Variants in SHISA9 observed in about 807,000 individuals in gnomAD.
The protein encoded by SHISA9 is protein shisa-9.
In SHISA9, 13 loss-of-function variants were observed where a neutral mutation model predicts 38.0. The observed-to-expected ratio is 0.34, with a 90% confidence interval of 0.22 to 0.54. SHISA9 has a LOEUF of 0.54. Among genes scored for constraint, SHISA9 ranks in the 20% least tolerant of loss-of-function variants. The pLI is 0.91. For missense variants in SHISA9, 538 were observed against 575.8 expected, an observed-to-expected ratio of 0.93 and a Z score of 0.67; for synonymous variants, 275 against 242.0, an observed-to-expected ratio of 1.14 and a Z score of -1.27.
Position 13,236,140 on chromosome 16 carries a change from AAAAAC to A in SHISA9, c.*736_*740del, listed in dbSNP as rs1191416268. ...CGACAATGATGGGAAGGAAAAAACA[AAAAAC>A]AAAAAACATTTTAGAGAACTCCCAT... On this transcript the variant is annotated 3_prime_UTR_variant, in exon 5 of 5. Transcript: ENST00000558583. 3.9e-5 allele frequency: 6 copies of A among 152,240 alleles called. No individual in the cohort carries two copies. The highest frequency in any genetic ancestry group is 7.3e-5 in the Non-Finnish European group (5 of 68,078). The allele number at this position is 152,240 out of a possible 1,614,324, so 9.4% of individuals were successfully genotyped here.
chr16:13,348,262 A>G, the SHISA9 span, among the ~76,000 whole-genome samples: 1 of 152,102 alleles, frequency 6.6e-6, no homozygotes, highest in Non-Finnish European at 1.5e-5. Context: ...CGGCATCTCT[A>G]ATCCAAAAAT....
At chr16:13,437,865 T>C in the SHISA9 span, among the ~76,000 whole-genome samples, 1 of 2,614 alleles carries the variant, frequency 3.8e-4, no homozygotes, top group African/African-American at 2.3e-3. Context: ...TTTTTTTTTC[T>C]TTTTTTTTTT....
intron 4 of SHISA9, among the ~76,000 whole-genome samples, chr16:13,225,459 A>T (rs2051269835): frequency 6.6e-6 from 1 of 152,206 alleles, no homozygotes; most frequent in Non-Finnish European, 1.5e-5. Context: ...GACCACTGCA[A>T]AGAATTTGGA....
At chr16:13,113,257 AG>A (rs1301021230) in intron 2 of SHISA9, among the ~76,000 whole-genome samples, 7 of 150,520 alleles carry the variant, frequency 4.7e-5, no homozygotes, top group Admixed American at 1.3e-4. Context: ...CCTGGTTTTC[AG>A]GCCTAGACTG....
At chr16:13,400,088 A>C in the SHISA9 span, among the ~76,000 whole-genome samples, 8 of 152,196 alleles carry the variant, frequency 5.3e-5, no homozygotes, top group African/African-American at 1.4e-4. Context: ...TTTACAGTCC[A>C]TGGAAACATT....
At chr16:13,196,373 G>A (rs1191478101) in intron 2 of SHISA9, among the ~76,000 whole-genome samples, 3 of 141,832 alleles carry the variant, frequency 2.1e-5, no homozygotes, top group Non-Finnish European at 1.5e-5. Context: ...CTCCAGCCTG[G>A]GCGACAGAGC....
At chr16:13,064,765 C>T (rs188912735) in intron 2 of SHISA9, among the ~76,000 whole-genome samples, 7 of 101,188 alleles carry the variant, frequency 6.9e-5, no homozygotes, top group Non-Finnish European at 1.1e-4. Context: ...TTTTAAACAA[C>T]GAAATAAAAG....
At chr16:13,481,012 C>T in the SHISA9 span, among the ~76,000 whole-genome samples, 1 of 152,178 alleles carries the variant, frequency 6.6e-6, no homozygotes. Flanking sequence ...TTAGGAACCA[C>T]CCTAATCTTA....
intron 2 of SHISA9, among the ~76,000 whole-genome samples, chr16:12,922,365 G>C (rs554319584): frequency 6.6e-6 from 1 of 152,324 alleles, no homozygotes; most frequent in East Asian, 1.9e-4. Context: ...CAGGGGCTTT[G>C]CACCTGTTGT....
intron 2 of SHISA9, among the ~76,000 whole-genome samples, chr16:12,986,916 A>G (rs969664075): frequency 6.6e-6 from 1 of 152,236 alleles, no homozygotes; most frequent in African/African-American, 2.4e-5. Context: ...TGAGCCCTTC[A>G]CCATGACAGG....
intron 2 of SHISA9, among the ~76,000 whole-genome samples, chr16:12,969,942 G>GAT (rs2072033216): frequency 6.6e-6 from 1 of 151,954 alleles, no homozygotes; most frequent in Non-Finnish European, 1.5e-5. Flanking sequence ...AGATCTAAAA[G>GAT]ATATGCAGGG....
chr16:12,916,927 A>C, intron 2 of SHISA9, 112 bp downstream of exon 2: 3 of 1,203,518 alleles, frequency 2.5e-6, no homozygotes, highest in Non-Finnish European at 3.4e-6. Flanking sequence ...TTTGTGGGCA[A>C]GTTAGAAGCT....
the SHISA9 span, among the ~76,000 whole-genome samples, chr16:13,408,631 A>G: frequency 1.3e-5 from 2 of 152,224 alleles, no homozygotes; most frequent in African/African-American, 4.8e-5. Flanking sequence ...CAAACTTAGG[A>G]AAAGCTCTAA....
the SHISA9 span, among the ~76,000 whole-genome samples, chr16:13,367,789 CCTTA>C: frequency 5.3e-5 from 8 of 150,664 alleles, no homozygotes; most frequent in Non-Finnish European, 1.0e-4. Flanking sequence ...GCTAACAAAC[CCTTA>C]CTTACTTCTG....
At chr16:12,910,299 C>T (rs1263644102) in intron 1 of SHISA9, 3 of 222,280 alleles carry the variant, frequency 1.3e-5, no homozygotes, top group East Asian at 1.8e-4. Flanking sequence ...CAAAGTATCT[C>T]CAAATTCATT....
At chr16:13,536,157 C>G in the SHISA9 span, among the ~76,000 whole-genome samples, 2 of 152,084 alleles carry the variant, frequency 1.3e-5, no homozygotes, top group Admixed American at 6.6e-5. Flanking sequence ...TGCCACCACC[C>G]CCAGCTAATT....
At chr16:13,490,486 G>A in the SHISA9 span, among the ~76,000 whole-genome samples, 4 of 152,168 alleles carry the variant, frequency 2.6e-5, no homozygotes, top group Non-Finnish European at 5.9e-5. Flanking sequence ...GATCACTTGA[G>A]CCCGTGAGGT....
chr16:12,901,950 C>G lies in SHISA9; in HGVS notation c.-115C>G. The G allele has an allele frequency of 1.2e-6, 1 of 856,644 alleles. No individual in the cohort carries two copies. Among genetic ancestry groups the G allele is most frequent in the Non-Finnish European group, 1.6e-6 (1 of 638,774 alleles). The allele number at this position is 856,644 out of a possible 1,614,324, so 53.1% of individuals were successfully genotyped here. ...CCCGCGCCGCTCCCTGCATGTGCGG[C>G]CCGCGGCGGCTCGCAGCTCCCGGCA... On this transcript the variant is annotated 5_prime_UTR_variant, in exon 1 of 5. Transcript: ENST00000558583.
intron 3 of SHISA9, among the ~76,000 whole-genome samples, chr16:13,207,168 G>A (rs1157375822): frequency 6.6e-6 from 1 of 152,168 alleles, no homozygotes; most frequent in African/African-American, 2.4e-5. Context: ...GGAGGCTGAG[G>A]CATGAGAATC....
Sources: allele counts gnomAD v4.1 joint callset (sites outside exome capture counted in the v4.1 genomes callset), GRCh38; gene constraint gnomAD v4.1.1; transcripts MANE v1.5; gene names NCBI Gene and HGNC (gene_info 2026-07-23, HGNC 2026-07-21).